CDK6: variants seen among roughly 807,000 people sequenced by gnomAD.
CDK6 encodes the protein cyclin dependent kinase 6, also known as cyclin-dependent kinase 6.
In CDK6, 6 loss-of-function variants were observed where a neutral mutation model predicts 37.1. The ratio of observed to expected loss-of-function variants is 0.16; its 90% CI spans 0.09 to 0.32. The LOEUF (loss-of-function observed/expected upper bound fraction) is 0.32. CDK6 is among the 10% of genes least tolerant of loss of function. CDK6 has a pLI of 1.00. For missense variants in CDK6, 224 were observed against 418.9 expected, an observed-to-expected ratio of 0.53 and a Z score of 4.06; for synonymous variants, 160 against 161.3, an observed-to-expected ratio of 0.99 and a Z score of 0.06.
intron 5 of CDK6, among the ~76,000 whole-genome samples, chr7:92,662,622 G>A (rs920084534): frequency 2.0e-5 from 3 of 152,106 alleles, no homozygotes; most frequent in Non-Finnish European, 4.4e-5. Flanking sequence ...ATAGGCTGGG[G>A]GACAGGGAGA....
At chr7:92,656,784 A>G (rs901163131) in intron 5 of CDK6, among the ~76,000 whole-genome samples, 2 of 152,166 alleles carry the variant, frequency 1.3e-5, no homozygotes, top group Non-Finnish European at 2.9e-5. Flanking sequence ...TTAGACTGGT[A>G]AGAACTGACT....
chr7:92,725,840 T>G (rs147462046), intron 3 of CDK6, 47 bp from the exon 4 acceptor site: 7 of 1,559,840 alleles, frequency 4.5e-6, no homozygotes, highest in Admixed American at 1.8e-5. Context: ...AAAACGGAAG[T>G]TGAGCATTTG....
intron 2 of CDK6, among the ~76,000 whole-genome samples, chr7:92,791,039 CTG>C (rs1800269813): frequency 6.6e-6 from 1 of 152,114 alleles, no homozygotes; most frequent in African/African-American, 2.4e-5. Flanking sequence ...TGTAAGGAGA[CTG>C]TTGCTGCAGT....
At chr7:92,744,134 TG>T (rs145430003) in intron 3 of CDK6, among the ~76,000 whole-genome samples, 2,205 of 152,316 alleles carry the variant, frequency 0.014, 22 homozygotes, top group Non-Finnish European at 0.022. Flanking sequence ...AGATGTTTCA[TG>T]GACTGGCACA....
intron 4 of CDK6, chr7:92,710,666 AT>A: frequency 2.0e-6 from 2 of 979,406 alleles, no homozygotes; most frequent in Non-Finnish European, 2.4e-6. Context: ...ATTACCAGTA[AT>A]GAAGTTAAAC....
In CDK6 at chr7:92,778,986, C is replaced by T. The variant is rs995384677; in HGVS notation, c.234-4155G>A. On this transcript the variant is annotated intron_variant, in intron 2 of 7. Coordinates refer to ENST00000424848, the MANE Select transcript of CDK6 (RefSeq NM_001145306.2). ...ATTTCCAAAAGAGAAAAAATTCTGA[C>T]GGGGGCATAACTGGAGAATAAAGTG... Among the ~76,000 whole-genome samples the T allele has an allele frequency of 1.2e-4, 17 of 141,320 alleles. No homozygotes were observed. The Middle Eastern group carries it at 0.011, about 92-fold the overall frequency. 92.7% of individuals were successfully genotyped at this position (141,320 alleles called of 152,430 possible).
At chr7:92,821,156 T>C (rs1026031063) in intron 2 of CDK6, among the ~76,000 whole-genome samples, 1 of 152,046 alleles carries the variant, frequency 6.6e-6, no homozygotes, top group Non-Finnish European at 1.5e-5. Context: ...CATTCAACTA[T>C]TCTGAAGCTT....
chr7:92,737,530 T>C lies in CDK6; in HGVS notation c.370-11737A>G, dbSNP rs549222515. ...TGACTATTGAGATTTCCCGAAACTG[T>C]CCTTAGGTGCTTTTTATAGGATAAT... On this transcript the variant is annotated intron_variant, in intron 3 of 7. Coordinates refer to ENST00000424848, the MANE Select transcript of CDK6 (RefSeq NM_001145306.2). Among the ~76,000 whole-genome samples, 9 of 152,298 alleles carry C rather than the reference T, an allele frequency of 5.9e-5. No individual in the cohort carries two copies. The South Asian group carries it at 1.9e-3, about 32-fold the overall frequency.
At chr7:92,718,572 C>T (rs1417469766) in intron 4 of CDK6, among the ~76,000 whole-genome samples, 2 of 152,132 alleles carry the variant, frequency 1.3e-5, no homozygotes, top group Non-Finnish European at 2.9e-5. Context: ...AACTGGGTGC[C>T]GTGGAATGAG....
chr7:92,693,826 G>T (rs1797648973), intron 4 of CDK6, among the ~76,000 whole-genome samples: 1 of 152,196 alleles, frequency 6.6e-6, no homozygotes, highest in South Asian at 2.1e-4. Context: ...AGAAAAGGGG[G>T]ATTTTACAGA....
rs1801579703 is a variant in CDK6 at position 92,834,118 on chromosome 7, C to CGGGGTCCAGGGGTGCCGGAG, written c.-367-448_-367-429dup. Among the ~76,000 whole-genome samples, 1 of 152,004 alleles carries CGGGGTCCAGGGGTGCCGGAG rather than the reference C, an allele frequency of 6.6e-6. No homozygotes were observed. Among genetic ancestry groups the CGGGGTCCAGGGGTGCCGGAG allele is most frequent in the African/African-American group, 2.4e-5 (1 of 41,384 alleles). ...CCTGAGGCCCGGACGTGCAGGGAGA[C>CGGGGTCCAGGGGTGCCGGAG]GGGGTCCAGGGGTGCCGGAGGGCGT... is the stretch of plus-strand genomic sequence containing the variant. On this transcript the variant is annotated intron_variant, in intron 1 of 7. Coordinates refer to ENST00000424848, the MANE Select transcript of CDK6 (RefSeq NM_001145306.2). The surrounding 1 kb of genome is among the most constrained non-coding windows in gnomAD (Gnocchi z 4.6).
intron 6 of CDK6, among the ~76,000 whole-genome samples, chr7:92,622,039 G>A (rs1290888137): frequency 5.5e-5 from 8 of 146,416 alleles, no homozygotes; most frequent in African/African-American, 1.3e-4. Flanking sequence ...TACAGACTTC[G>A]AATTTCATAA....
chr7:92,691,218 C>T (rs1448820898), intron 4 of CDK6, among the ~76,000 whole-genome samples: 6 of 152,094 alleles, frequency 3.9e-5, no homozygotes, highest in African/African-American at 1.4e-4. Context: ...TCATGTCTGT[C>T]CTGGAAGAGT....
chr7:92,645,538 G>A (rs575505728), intron 5 of CDK6, among the ~76,000 whole-genome samples: 1 of 152,352 alleles, frequency 6.6e-6, no homozygotes, highest in East Asian at 1.9e-4. Flanking sequence ...GTGTGCTCCT[G>A]CAACCCGGGG....
Position 92,606,323 on chromosome 7 carries a change from A to C in CDK6, c.*8817T>G. The C allele has an allele frequency of 4.3e-6, 1 of 233,354 alleles. No homozygotes were observed. Among genetic ancestry groups the C allele is most frequent in the East Asian group, 6.0e-5 (1 of 16,574 alleles). 14.5% of individuals were successfully genotyped at this position (233,354 alleles called of 1,614,324 possible). A position where few individuals can be genotyped will look rare whatever the true frequency, so the allele number is the denominator to read the frequency against. ...GGTGCCATGAGCACAGTCTGTGCCC[A>C]GCATCAGGAACCATCTCTAGATGAA... On this transcript the variant is annotated 3_prime_UTR_variant, in exon 8 of 8. Transcript: ENST00000424848.
chr7:92,757,985 C>T (rs1799357200), intron 3 of CDK6, among the ~76,000 whole-genome samples: 1 of 151,922 alleles, frequency 6.6e-6, no homozygotes, highest in Non-Finnish European at 1.5e-5. Context: ...TATCCTTTGC[C>T]CACTTTTTAA....
Position 92,780,618 on chromosome 7 carries a change from G to A in CDK6, c.234-5787C>T, listed in dbSNP as rs967968160. On this transcript the variant is annotated intron_variant, in intron 2 of 7. Coordinates refer to ENST00000424848, the MANE Select transcript of CDK6 (RefSeq NM_001145306.2). Reference sequence around the variant, plus strand: ...TATTAAAAATACAAAAAAATTAGCCGGGCGTGGTGGCAGGCGCCTGTAGTC... The same window carrying A: ...TATTAAAAATACAAAAAAATTAGCCAGGCGTGGTGGCAGGCGCCTGTAGTC... 7.3e-5 allele frequency among the ~76,000 whole-genome samples: 11 copies of A among 151,486 alleles called. No homozygotes were observed. In the East Asian group the frequency reaches 7.8e-4, roughly 11 times the overall value.
At position 92,607,344 on chromosome 7, in the gene CDK6, T is replaced by C; in HGVS notation, c.*7796A>G. On this transcript the variant is annotated 3_prime_UTR_variant, in exon 8 of 8. Transcript: ENST00000424848. ...CTGGCACAGTTTCTAAATTAAGGCA[T>C]ATCTAAAATGCTTTTCTACCTTTAG... 4.3e-6 allele frequency: 1 copy of C among 233,486 alleles called. No homozygotes were observed. Among genetic ancestry groups the C allele is most frequent in the East Asian group, 6.0e-5 (1 of 16,588 alleles). The allele number at this position is 233,486 out of a possible 1,614,324, so 14.5% of individuals were successfully genotyped here.
intron 4 of CDK6, among the ~76,000 whole-genome samples, chr7:92,712,564 GC>G (rs914499217): frequency 1.3e-5 from 2 of 152,078 alleles, no homozygotes; most frequent in African/African-American, 4.8e-5. Context: ...CAGTTTTTCA[GC>G]CCCACATCCT....
Sources: gnomAD v4.1 joint callset for allele counts (sites outside exome capture counted in the v4.1 genomes callset) on GRCh38, gnomAD v4.1.1 for gene constraint, Gnocchi (gnomAD v3.1) non-coding constraint, MANE v1.5 for transcripts, NCBI Gene and HGNC (gene_info 2026-07-23, HGNC 2026-07-21) for gene names.